AGMO: variants seen among roughly 807,000 people sequenced by gnomAD.
The protein encoded by AGMO is glyceryl-ether monooxygenase.
Under a neutral mutation model 60.2 loss-of-function variants are expected in AGMO, and 75 were observed. The ratio of observed to expected loss-of-function variants is 1.25; its 90% CI spans 1.03 to 1.51. The LOEUF (loss-of-function observed/expected upper bound fraction) is 1.51. Among genes scored for constraint, AGMO ranks in the 40% most tolerant of loss-of-function variants. The pLI is 0.00. For missense variants in AGMO, 763 were observed against 525.5 expected (o/e 1.45, Z -4.42); for synonymous variants, 261 against 177.1 (o/e 1.47, Z -3.76).
intron 12 of AGMO, among the ~76,000 whole-genome samples, chr7:15,354,456 ACACACGTGTGTG>A (rs1238740881): frequency 0.013 from 112 of 8,628 alleles, 8 homozygotes; most frequent in African/African-American, 0.047. Flanking sequence ...GTGTGTGTAT[ACACACGTGTGTG>A]TATACACACG....
At chr7:15,398,423 G>C (rs62439263) in intron 5 of AGMO, among the ~76,000 whole-genome samples, 15,835 of 152,142 alleles carry the variant, frequency 0.1, 1,263 homozygotes, top group African/African-American at 0.22. Flanking sequence ...TTTCCTGGTA[G>C]TGCCTATGAG....
rs776189666 is a variant in AGMO at position 15,491,974 on chromosome 7, G to C, written c.409+52798C>G. Among the ~76,000 whole-genome samples the C allele has an allele frequency of 9.9e-5, 15 of 152,224 alleles. 1 individual carries two copies. Among genetic ancestry groups the C allele is most frequent in the Admixed American group, 9.2e-4 (14 of 15,284 alleles). On this transcript the variant is annotated intron_variant, in intron 3 of 12. Coordinates refer to ENST00000342526, the MANE Select transcript of AGMO (RefSeq NM_001004320.2). The stretch of plus-strand genomic sequence containing the variant: ...ATTTAGACCAAAGTTAGAAACATTC[G>C]CAGTGCAGTTTGAAAGTAAAAGATA...
the AGMO span, among the ~76,000 whole-genome samples, chr7:15,123,108 T>C: frequency 1.3e-5 from 2 of 152,072 alleles, no homozygotes; most frequent in Non-Finnish European, 2.9e-5. Flanking sequence ...GACTATTTTT[T>C]TCTCTTTCTG....
chr7:15,125,096 G>A, the AGMO span, among the ~76,000 whole-genome samples: 1 of 152,098 alleles, frequency 6.6e-6, no homozygotes, highest in Non-Finnish European at 1.5e-5. Flanking sequence ...ACCACCTACT[G>A]GGAGTATTTT....
intron 6 of AGMO, among the ~76,000 whole-genome samples, chr7:15,392,996 G>A (rs940114372): frequency 6.6e-6 from 1 of 152,204 alleles, no homozygotes; most frequent in African/African-American, 2.4e-5. Flanking sequence ...ATATAGTACC[G>A]AAAGTAAACA....
intron 12 of AGMO, among the ~76,000 whole-genome samples, chr7:15,261,131 C>T (rs755237220): frequency 7.9e-5 from 12 of 151,818 alleles, no homozygotes; most frequent in Non-Finnish European, 1.5e-4. Flanking sequence ...ACTATCCAAA[C>T]CCAAGCCCAA....
At chr7:15,556,861 G>A (rs1219893907) in intron 2 of AGMO, among the ~76,000 whole-genome samples, 1 of 151,960 alleles carries the variant, frequency 6.6e-6, no homozygotes, top group Non-Finnish European at 1.5e-5. Flanking sequence ...TTTATAAGTA[G>A]GACTAGTATC....
At chr7:15,185,199 T>G in the AGMO span, among the ~76,000 whole-genome samples, 1 of 152,176 alleles carries the variant, frequency 6.6e-6, no homozygotes, top group East Asian at 1.9e-4. Flanking sequence ...CATCTTATTC[T>G]TCAATGTTCC....
At chr7:15,190,014 C>G in the AGMO span, among the ~76,000 whole-genome samples, 6 of 149,156 alleles carry the variant, frequency 4.0e-5, no homozygotes, top group African/African-American at 1.5e-4. Context: ...CCATATGTAC[C>G]AAATGACCTG....
intron 5 of AGMO, among the ~76,000 whole-genome samples, chr7:15,408,966 T>C (rs916372454): frequency 1.3e-5 from 2 of 151,130 alleles, no homozygotes; most frequent in Admixed American, 1.3e-4. Flanking sequence ...ATGGAAAATA[T>C]GAAAAGAAGA....
At chr7:15,384,526 T>C (rs1267721255) in intron 10 of AGMO, among the ~76,000 whole-genome samples, 2 of 152,156 alleles carry the variant, frequency 1.3e-5, no homozygotes, top group African/African-American at 4.8e-5. Context: ...ACCTTAAAGA[T>C]AGGCGTATCT....
intron 12 of AGMO, among the ~76,000 whole-genome samples, chr7:15,260,916 A>G (rs934913208): frequency 2.0e-5 from 3 of 152,116 alleles, no homozygotes; most frequent in African/African-American, 7.2e-5. Context: ...CTAAATGATC[A>G]TTGGGTCAAC....
intron 12 of AGMO, among the ~76,000 whole-genome samples, chr7:15,237,042 C>T (rs1272735497): frequency 1.3e-5 from 2 of 151,942 alleles, no homozygotes. Flanking sequence ...AAGAAAGATC[C>T]TTTGAATACC....
At chr7:15,250,953 A>T (rs148409504) in intron 12 of AGMO, among the ~76,000 whole-genome samples, 5,796 of 151,320 alleles carry the variant, frequency 0.038, 371 homozygotes, top group African/African-American at 0.13. Context: ...CTCAAAAAAA[A>T]AAATATATAT....
chr7:15,373,259 C>T (rs897533894), intron 10 of AGMO, among the ~76,000 whole-genome samples: 22 of 150,990 alleles, frequency 1.5e-4, no homozygotes, highest in Non-Finnish European at 2.9e-4. Context: ...GCCTGGACAA[C>T]AGAGTGATAT....
At chr7:15,258,981 G>T (rs2128508924) in intron 12 of AGMO, among the ~76,000 whole-genome samples, 1 of 152,140 alleles carries the variant, frequency 6.6e-6, no homozygotes, top group Middle Eastern at 3.4e-3. Flanking sequence ...AACAATTCTG[G>T]TAATATGACA....
intron 3 of AGMO, among the ~76,000 whole-genome samples, chr7:15,528,069 G>A (rs1045211163): frequency 6.6e-6 from 1 of 152,118 alleles, no homozygotes; most frequent in African/African-American, 2.4e-5. Flanking sequence ...TGTGGATCAA[G>A]GAGTAATTTC....
the AGMO span, among the ~76,000 whole-genome samples, chr7:15,167,424 C>T: frequency 2.0e-5 from 3 of 152,108 alleles, no homozygotes; most frequent in Non-Finnish European, 4.4e-5. Context: ...TAAGTAGGCA[C>T]ATCACAAGTA....
the AGMO span, among the ~76,000 whole-genome samples, chr7:15,135,760 C>G: frequency 7.0e-6 from 1 of 143,858 alleles, no homozygotes; most frequent in African/African-American, 2.5e-5. Flanking sequence ...CTTAATATGT[C>G]AACTTTAGAC....
Sources: allele counts gnomAD v4.1 joint callset (sites outside exome capture counted in the v4.1 genomes callset), GRCh38; gene constraint gnomAD v4.1.1; transcripts MANE v1.5; gene names NCBI Gene and HGNC (gene_info 2026-07-23, HGNC 2026-07-21).